The following MAGI1 variants were observed in gnomAD, a reference collection of about 807,000 sequenced individuals.
The protein encoded by MAGI1 is membrane-associated guanylate kinase, WW and PDZ domain-containing protein 1.
MAGI1 carries 58 observed loss-of-function variants against 139.9 expected under a neutral mutation model. The observed-to-expected ratio is 0.41, with a 90% CI of 0.34 to 0.52. The LOEUF is 0.52. Among genes scored for constraint, MAGI1 ranks in the 20% least tolerant of loss-of-function variants. MAGI1 has a pLI of 0.12. For missense variants in MAGI1, 1,874 were observed against 1,901.6 expected, an observed-to-expected ratio of 0.99 and a Z score of 0.27; for synonymous variants, 812 against 737.9, an observed-to-expected ratio of 1.10 and a Z score of -1.63.
At chr3:65,924,952 CAAAT>C (rs2062420097) in intron 1 of MAGI1, 1 of 152,134 alleles carries the variant, frequency 6.6e-6, no homozygotes, top group Admixed American at 6.5e-5. Context: ...GTCATGAAAA[CAAAT>C]AAGTCTGTTG....
chr3:65,777,423 C>T (rs1408452621), intron 1 of MAGI1, among the ~76,000 whole-genome samples: 1 of 152,096 alleles, frequency 6.6e-6, no homozygotes, highest in East Asian at 1.9e-4. Flanking sequence ...GGTTCATTAT[C>T]ACCATTTTAC....
At chr3:65,800,144 T>C (rs2040422337) in intron 1 of MAGI1, among the ~76,000 whole-genome samples, 1 of 152,062 alleles carries the variant, frequency 6.6e-6, no homozygotes, top group Non-Finnish European at 1.5e-5. Context: ...CCATATGGGG[T>C]TCTAGTGGCG....
chr3:65,565,505 C>T (rs1163728245), intron 2 of MAGI1, among the ~76,000 whole-genome samples: 3 of 152,130 alleles, frequency 2.0e-5, no homozygotes, highest in African/African-American at 7.2e-5. Context: ...TTCTCAGATC[C>T]TCAACTTCTC....
chr3:65,400,759 T>C (rs1388317298), intron 13 of MAGI1, among the ~76,000 whole-genome samples: 1 of 61,878 alleles, frequency 1.6e-5, no homozygotes, highest in African/African-American at 6.3e-5. Flanking sequence ...GATTTTTTTT[T>C]TTTTTTTTTT....
chr3:65,914,416 G>T (rs1340648245), intron 1 of MAGI1, among the ~76,000 whole-genome samples: 3 of 152,176 alleles, frequency 2.0e-5, no homozygotes, highest in Non-Finnish European at 4.4e-5. Context: ...AATGCCATCA[G>T]GGGCCATGCA....
At chr3:65,902,996 G>C (rs773456054) in intron 1 of MAGI1, among the ~76,000 whole-genome samples, 5 of 151,952 alleles carry the variant, frequency 3.3e-5, no homozygotes, top group Admixed American at 1.3e-4. Context: ...GTCTTTTTTG[G>C]GGGGAGTGGT....
At chr3:65,557,082 G>A (rs1478477926) in intron 2 of MAGI1, among the ~76,000 whole-genome samples, 1 of 152,166 alleles carries the variant, frequency 6.6e-6, no homozygotes, top group African/African-American at 2.4e-5. Context: ...TCGGTATGTT[G>A]TTGACCTCCA....
chr3:65,747,124 G>C (rs1484112011), intron 1 of MAGI1, among the ~76,000 whole-genome samples: 2 of 152,182 alleles, frequency 1.3e-5, no homozygotes, highest in Non-Finnish European at 2.9e-5. Flanking sequence ...AACAAAGTAA[G>C]ACCGTGTCTC....
chr3:65,818,139 C>G (rs1437566844), intron 1 of MAGI1, among the ~76,000 whole-genome samples: 2 of 152,084 alleles, frequency 1.3e-5, no homozygotes, highest in Non-Finnish European at 2.9e-5. Context: ...CACATACACA[C>G]ACAATATTCT....
chr3:65,483,802 C>T (rs1490061709), intron 3 of MAGI1, among the ~76,000 whole-genome samples: 1 of 152,110 alleles, frequency 6.6e-6, no homozygotes, highest in Non-Finnish European at 1.5e-5. Flanking sequence ...CCACTGCTGG[C>T]CTTAATTAAC....
At chr3:65,451,623 T>G (rs1370228328) in intron 6 of MAGI1, among the ~76,000 whole-genome samples, 1 of 152,098 alleles carries the variant, frequency 6.6e-6, no homozygotes, top group South Asian at 2.1e-4. Flanking sequence ...TCAGAAAGTT[T>G]TGGATTTTGG....
chr3:65,580,316 T>G (rs542662076), intron 2 of MAGI1, among the ~76,000 whole-genome samples: 9 of 109,218 alleles, frequency 8.2e-5, no homozygotes, highest in African/African-American at 1.2e-4. Flanking sequence ...TTCTTTTTTC[T>G]CCTTTTTTTT....
chr3:65,619,146 C>T (rs749457348), intron 2 of MAGI1, among the ~76,000 whole-genome samples: 4 of 151,990 alleles, frequency 2.6e-5, no homozygotes, highest in Non-Finnish European at 4.4e-5. Flanking sequence ...TCAACAACGC[C>T]GTTACAAATT....
At chr3:65,917,297 A>G (rs2061951160) in intron 1 of MAGI1, among the ~76,000 whole-genome samples, 1 of 152,106 alleles carries the variant, frequency 6.6e-6, no homozygotes. Flanking sequence ...CACTGACACC[A>G]CCAAATGCTG....
intron 1 of MAGI1, among the ~76,000 whole-genome samples, chr3:65,753,791 C>T (rs1478860845): frequency 6.6e-6 from 1 of 151,996 alleles, no homozygotes; most frequent in Non-Finnish European, 1.5e-5. Flanking sequence ...ATTCCAAAGC[C>T]CATTCTTTTA....
intron 1 of MAGI1, among the ~76,000 whole-genome samples, chr3:65,904,463 C>G (rs1392540420): frequency 6.6e-6 from 1 of 152,200 alleles, no homozygotes; most frequent in Admixed American, 6.5e-5. Flanking sequence ...ATCCAAAACC[C>G]TGACCACGGC....
intron 1 of MAGI1, among the ~76,000 whole-genome samples, chr3:66,027,162 A>T (rs1271238850): frequency 6.6e-6 from 1 of 151,750 alleles, no homozygotes; most frequent in African/African-American, 2.4e-5. Flanking sequence ...CAGCTACTCG[A>T]GAGGCTGAGG....
intron 6 of MAGI1, among the ~76,000 whole-genome samples, chr3:65,450,163 G>A (rs1948942994): frequency 1.3e-5 from 2 of 152,208 alleles, no homozygotes; most frequent in Non-Finnish European, 2.9e-5. Flanking sequence ...GAGAAATAGT[G>A]TGAGAAAACC....
intron 2 of MAGI1, among the ~76,000 whole-genome samples, chr3:65,607,883 TAAGAA>T (rs2082834314): frequency 1.3e-5 from 2 of 152,072 alleles, no homozygotes; most frequent in African/African-American, 4.8e-5. Context: ...GAATAGCACA[TAAGAA>T]AAGAGAAGAA....
Sources: allele counts gnomAD v4.1 joint callset (sites outside exome capture counted in the v4.1 genomes callset), GRCh38; gene constraint gnomAD v4.1.1; transcripts MANE v1.5; gene names NCBI Gene and HGNC (gene_info 2026-07-23, HGNC 2026-07-21).